SEMA3F: variants seen among roughly 807,000 people sequenced by gnomAD.
The protein encoded by SEMA3F is semaphorin 3F, also known as semaphorin-3F.
SEMA3F carries 30 observed loss-of-function variants against 98.5 expected under a neutral mutation model. The ratio of observed to expected loss-of-function variants is 0.30; its 90% confidence interval spans 0.23 to 0.41. The LOEUF (loss-of-function observed/expected upper bound fraction) is 0.41. SEMA3F is among the 10% of genes least tolerant of loss of function. The pLI, the probability that SEMA3F is intolerant of heterozygous loss-of-function variation, is 1.00. For missense variants in SEMA3F, 866 were observed against 1,119.3 expected (o/e 0.77, Z 3.23); for synonymous variants, 380 against 444.8 (o/e 0.85, Z 1.83).
Position 50,155,413 on chromosome 3 carries a change from G to C in SEMA3F, c.-200G>C. ...AAGCCCGCGGAACCGGTTAAGCCGC[G>C]GCCGCGGCGCCGATCCCGGCTGAGG... On this transcript the variant is annotated 5_prime_UTR_variant, in exon 1 of 19. Transcript: ENST00000002829. The surrounding 1 kb of genome is among the most constrained non-coding windows in gnomAD (Gnocchi z 4.9). 1 of 275,298 alleles carries C rather than the reference G, an allele frequency of 3.6e-6. No individual in the cohort carries two copies. The allele number at this position is 275,298 out of a possible 1,614,324, so 17.1% of individuals were successfully genotyped here.
rs1270665635 is a variant in SEMA3F, at chr3:50,175,172, C to T, written c.533C>T (p.Pro178Leu). ...RATDGALRPM[P>L]TAPRQDYIFY... ...ACGGATGGTGCCCTCCGCCCGATGC[C>T]CACAGCCCCACGCCAGGTGGGCCTC... Residue 178 changes from proline (P) to leucine (L), a missense_variant, in exon 6 of 19, where the codon CCC becomes CTC. By Grantham distance (98) the Pro-to-Leu change is moderately conservative. Around this residue, in one of 3 missense-constraint regions of SEMA3F, gnomAD observed 247 missense variants for 276.0 expected, o/e 0.89. Transcript: ENST00000002829. The T allele has an allele frequency of 2.5e-6, 4 of 1,600,022 alleles. No individual in the cohort carries two copies. Among genetic ancestry groups the T allele is most frequent in the East Asian group, 4.5e-5 (2 of 44,198 alleles).
intron 6 of SEMA3F, among the ~76,000 whole-genome samples, chr3:50,175,394 G>C (rs986380006): frequency 6.6e-6 from 1 of 152,210 alleles, no homozygotes; most frequent in African/African-American, 2.4e-5. Flanking sequence ...ACCCCTGCAG[G>C]CAAGAAATAA....
intron 11 of SEMA3F, 43 bp downstream of exon 11, chr3:50,183,298 G>C (rs376292896): frequency 1.9e-6 from 3 of 1,609,000 alleles, no homozygotes; most frequent in Non-Finnish European, 2.6e-6. Flanking sequence ...GAGTGGCCCC[G>C]TTGGGGGATT....
intron 2 of SEMA3F, among the ~76,000 whole-genome samples, chr3:50,171,178 G>A (rs1310489885): frequency 1.3e-5 from 2 of 152,208 alleles, no homozygotes; most frequent in Non-Finnish European, 2.9e-5. Flanking sequence ...CAGACTGGGG[G>A]CAGCAGGCAG....
At position 50,187,742 on chromosome 3, in the gene SEMA3F, G is replaced by A. The variant is rs1182271404; in HGVS notation, c.1985G>A (p.Gly662Asp). 1 of 1,611,546 alleles carries A rather than the reference G, an allele frequency of 6.2e-7. No homozygotes were observed. Among genetic ancestry groups the A allele is most frequent in the Non-Finnish European group, 8.5e-7 (1 of 1,178,694 alleles). The change falls in exon 19 of 19, where the codon GGC becomes GAC. Residue 662 changes from glycine to aspartate, a missense_variant. Gly to Asp is a moderately conservative substitution (Grantham distance 94). This residue lies in a region of SEMA3F where 245 missense variants were observed against 260.5 expected (regional missense o/e 0.94). Transcript: ENST00000002829. ...GACCGCTTCCTGCGCACAGAGCAGG[G>A]CTTGTTGCTCCGTGCACTGCAGCTC... ...AEDRFLRTEQ[G>D]LLLRALQLSD...
intron 2 of SEMA3F, among the ~76,000 whole-genome samples, chr3:50,169,460 C>T (rs1018729899): frequency 1.3e-5 from 2 of 152,180 alleles, no homozygotes; most frequent in African/African-American, 4.8e-5. Flanking sequence ...CCAGAAAAGG[C>T]TCTTCCTTCC....
intron 12 of SEMA3F, 125 bp downstream of exon 12, chr3:50,183,689 T>C: frequency 9.9e-7 from 1 of 1,006,496 alleles, no homozygotes. Context: ...TGAGCTGTAA[T>C]GCACACACAG....
intron 2 of SEMA3F, chr3:50,173,507 T>A (rs1377684730): frequency 2.5e-6 from 1 of 401,792 alleles, no homozygotes; most frequent in East Asian, 4.5e-5. Context: ...CTGGGTGTGG[T>A]GGCTGACGCC....
rs770418587 is a variant in SEMA3F at position 50,176,850 on chromosome 3, C to T, written c.632C>T (p.Ser211Leu). ...TACGATCCCAAGCTGGACACAGCAT[C>T]GGCCCTCATCAGTGAGTGCCCCCCA... ...CPYDPKLDTA[S>L]ALINEELYAG... Residue 211 changes from serine to leucine, a missense_variant, in exon 7 of 19, where the codon TCG (serine) becomes TTG (leucine). Physicochemically the swap from Ser to Leu is moderately radical, Grantham distance 145. Around this residue, in one of 3 missense-constraint regions of SEMA3F, gnomAD observed 374 missense variants for 582.8 expected, o/e 0.64. Coordinates refer to ENST00000002829, the MANE Select transcript of SEMA3F (RefSeq NM_004186.5). The T allele has an allele frequency of 3.1e-6, 5 of 1,613,398 alleles. No homozygotes were observed. The highest frequency in any genetic ancestry group is 2.2e-5 in the East Asian group (1 of 44,888).
chr3:50,170,778 C>T (rs573631433), intron 2 of SEMA3F, among the ~76,000 whole-genome samples: 19 of 152,190 alleles, frequency 1.2e-4, no homozygotes, highest in African/African-American at 2.7e-4. Context: ...CCACCATGCG[C>T]GACCTCCTGG....
Position 50,155,518 on chromosome 3 carries a change from T to TGCCGCC in SEMA3F, c.-85_-80dup, listed in dbSNP as rs1057450102. On this transcript the variant is annotated 5_prime_UTR_variant, in exon 1 of 19. Transcript: ENST00000002829. The surrounding 1 kb of genome is among the most constrained non-coding windows in gnomAD (Gnocchi z 4.9). ...GACCGGCCCAACGGGAGCCGCTCCG[T>TGCCGCC]GCCGCCGCCGCCGCCCGGGCGCCCA... is the stretch of plus-strand genomic sequence containing the variant. 3 of 319,872 alleles carry TGCCGCC rather than the reference T, an allele frequency of 9.4e-6. No individual in the cohort carries two copies. Among genetic ancestry groups the TGCCGCC allele is most frequent in the Non-Finnish European group, 1.7e-5 (3 of 175,812 alleles). 19.8% of individuals were successfully genotyped at this position (319,872 alleles called of 1,614,324 possible). A position where few individuals can be genotyped will look rare whatever the true frequency, so the allele number is the denominator to read the frequency against.
At chr3:50,163,640 G>C (rs1368030224) in intron 2 of SEMA3F, among the ~76,000 whole-genome samples, 3 of 152,266 alleles carry the variant, frequency 2.0e-5, no homozygotes, top group African/African-American at 7.2e-5. Flanking sequence ...GCAGGAGTAG[G>C]GGTGGGGCTG....
In SEMA3F at chr3:50,169,036, ACG is replaced by A. The variant is rs1335814739; in HGVS notation, c.113-4755_113-4754del. Among the ~76,000 whole-genome samples, 59 of 152,264 alleles carry A rather than the reference ACG, an allele frequency of 3.9e-4. 2 individuals carry two copies. Among genetic ancestry groups the A allele is most frequent in the Admixed American group, 3.6e-3 (55 of 15,306 alleles). On this transcript the variant is annotated intron_variant, in intron 2 of 18. Coordinates refer to ENST00000002829, the MANE Select transcript of SEMA3F (RefSeq NM_004186.5). The stretch of plus-strand genomic sequence containing the variant: ...GTCCCCATCACTGCTGGGGGAGGTG[ACG>A]CTGTCAGTCAGGGCCTGCTGCTTTG...
intron 12 of SEMA3F, 103 bp from the exon 13 acceptor site, chr3:50,184,489 T>G: frequency 5.1e-6 from 4 of 780,846 alleles, no homozygotes; most frequent in Admixed American, 2.1e-5. Context: ...AGGAGCAGGT[T>G]GAGGTAGTGG....
rs1414857141 is a variant in SEMA3F at position 50,182,772 on chromosome 3, C to T, written c.892C>T (p.Arg298Cys). The T allele has an allele frequency of 2.5e-6, 4 of 1,612,800 alleles. No homozygotes were observed. Among genetic ancestry groups the T allele is most frequent in the South Asian group, 1.1e-5 (1 of 91,058 alleles). Residue 298 changes from arginine to cysteine, a missense_variant, in exon 9 of 19, where the codon CGC becomes TGC. Transcript: ENST00000002829. The surrounding 1 kb of genome is among the most constrained non-coding windows in gnomAD (Gnocchi z 4.5). ...QSPAVYARIGRICLNDDGGHC... is the reference protein window; with the variant it reads ...QSPAVYARIGCICLNDDGGHC... Reference sequence around the variant, plus strand: ...CCCCGCGGTGTACGCCCGCATCGGGCGCATTTGCCTGGTATGCATTGGCAG... The same window carrying T: ...CCCCGCGGTGTACGCCCGCATCGGGTGCATTTGCCTGGTATGCATTGGCAG...
intron 2 of SEMA3F, among the ~76,000 whole-genome samples, 167 bp from the exon 3 acceptor site, chr3:50,173,626 A>C (rs1484776057): frequency 6.6e-6 from 1 of 152,212 alleles, no homozygotes; most frequent in East Asian, 1.9e-4. Context: ...TGGGCAACAG[A>C]GTGAGACTTG....
Position 50,174,056 on chromosome 3 carries a change from A to T in SEMA3F, c.278A>T (p.His93Leu). Residue 93 changes from histidine (H) to leucine (L), a missense_variant, in exon 4 of 19, where the codon CAC becomes CTC. Transcript: ENST00000002829. ...TTCTGACCCCCCTCTCTGCAGATAC[A>T]CTGGGCAGCCTCCCCACAGCGCATC... is the stretch of plus-strand genomic sequence containing the variant. ...HDINREPLII[H>L]WAASPQRIEE... 1 of 1,614,072 alleles carries T rather than the reference A, an allele frequency of 6.2e-7. No individual in the cohort carries two copies. The highest frequency in any genetic ancestry group is 8.5e-7 in the Non-Finnish European group (1 of 1,180,028).
chr3:50,158,073 C>T lies in SEMA3F; in HGVS notation c.-48-1502C>T, dbSNP rs1293828852. On this transcript the variant is annotated intron_variant, in intron 1 of 18. Transcript: ENST00000002829. This position sits in a 1 kb window ranked among gnomAD's most constrained non-coding sequence, Gnocchi z 4.8. ...ACGTGTGCATATCCACAGCTGTTAT[C>T]AGGGGCCTCCCAGGTGCACCTTGAG... Among the ~76,000 whole-genome samples, 1 of 152,216 alleles carries T rather than the reference C, an allele frequency of 6.6e-6. No homozygotes were observed. The highest frequency in any genetic ancestry group is 1.5e-5 in the Non-Finnish European group (1 of 68,030).
chr3:50,161,232 G>T (rs75799300), intron 2 of SEMA3F, among the ~76,000 whole-genome samples: 3,382 of 152,254 alleles, frequency 0.022, 125 homozygotes, highest in African/African-American at 0.077. Flanking sequence ...ATGCATGCAA[G>T]TAAGCAGGAG....
Sources: allele counts gnomAD v4.1 joint callset (sites outside exome capture counted in the v4.1 genomes callset), GRCh38; gene constraint gnomAD v4.1.1; regional missense constraint gnomAD v4.1.1; non-coding constraint Gnocchi (gnomAD v3.1); transcripts MANE v1.5; gene names NCBI Gene and HGNC (gene_info 2026-07-23, HGNC 2026-07-21).